NPAS3: variants seen among roughly 807,000 people sequenced by gnomAD.
NPAS3 encodes the protein neuronal PAS domain-containing protein 3.
In NPAS3, 14 loss-of-function variants were observed where a neutral mutation model predicts 73.1. That is an observed-to-expected ratio of 0.19 (90% CI 0.13 to 0.30). NPAS3 has a LOEUF of 0.30. NPAS3 is among the 10% of genes least tolerant of loss of function. The pLI is 1.00. For missense variants in NPAS3, 1,096 were observed against 1,250.0 expected (o/e 0.88, Z 1.86); for synonymous variants, 620 against 541.5 (o/e 1.14, Z -2.01).
intron 5 of NPAS3, among the ~76,000 whole-genome samples, chr14:33,584,269 G>A (rs1055812299): frequency 6.6e-5 from 10 of 151,902 alleles, no homozygotes; most frequent in Admixed American, 1.3e-4. Flanking sequence ...ATTGATTGCC[G>A]GTATAATCCT....
At chr14:32,966,659 A>G (rs2037175599) in intron 1 of NPAS3, among the ~76,000 whole-genome samples, 1 of 134,396 alleles carries the variant, frequency 7.4e-6, no homozygotes, top group Non-Finnish European at 1.6e-5. Flanking sequence ...AGTCCCAGCT[A>G]CTGGGGAGGC....
chr14:33,612,492 T>A (rs1003330343), intron 5 of NPAS3: 13 of 455,994 alleles, frequency 2.9e-5, no homozygotes, highest in Admixed American at 4.7e-5. Flanking sequence ...TGTCACTTTT[T>A]AAAATTAATC....
At chr14:33,165,736 T>C (rs959110458) in intron 2 of NPAS3, among the ~76,000 whole-genome samples, 2 of 152,088 alleles carry the variant, frequency 1.3e-5, no homozygotes, top group African/African-American at 4.8e-5. Flanking sequence ...TGAAGGTACA[T>C]TTTGAAAGAA....
At chr14:33,724,584 G>C (rs537722831) in intron 6 of NPAS3, among the ~76,000 whole-genome samples, 159 of 152,246 alleles carry the variant, frequency 1.0e-3, no homozygotes, top group African/African-American at 3.7e-3. Context: ...AGCTAGCTGT[G>C]ATTGTACCAC....
intron 2 of NPAS3, among the ~76,000 whole-genome samples, chr14:33,147,126 T>C (rs574906577): frequency 6.6e-6 from 1 of 152,180 alleles, no homozygotes; most frequent in Non-Finnish European, 1.5e-5. Context: ...AACCTTACAA[T>C]AATTGAATGA....
At chr14:33,511,949 G>T (rs1308301255) in intron 4 of NPAS3, among the ~76,000 whole-genome samples, 1 of 151,946 alleles carries the variant, frequency 6.6e-6, no homozygotes, top group Non-Finnish European at 1.5e-5. Context: ...ATTCCTTTAG[G>T]TCTAGGATGT....
upstream of NPAS3, among the ~76,000 whole-genome samples, chr14:32,936,818 C>T (rs1386754488): frequency 2.0e-5 from 3 of 152,140 alleles, no homozygotes; most frequent in African/African-American, 7.2e-5. Context: ...GGGCAGTCCC[C>T]TACAGTCTGC....
chr14:33,149,102 A>G (rs2044353500), intron 2 of NPAS3, among the ~76,000 whole-genome samples: 1 of 152,204 alleles, frequency 6.6e-6, no homozygotes, highest in Non-Finnish European at 1.5e-5. Flanking sequence ...TAAATATACC[A>G]ATGATTGATG....
chr14:33,201,040 C>T (rs2046593304), intron 2 of NPAS3, among the ~76,000 whole-genome samples: 2 of 152,128 alleles, frequency 1.3e-5, no homozygotes, highest in African/African-American at 2.4e-5. Context: ...ACTCTTCTTA[C>T]ATATATGAAT....
chr14:33,132,167 A>G (rs752102589), intron 2 of NPAS3, among the ~76,000 whole-genome samples: 9 of 152,144 alleles, frequency 5.9e-5, no homozygotes, highest in Admixed American at 2.0e-4. Flanking sequence ...GGTAACTTGC[A>G]TGAAGACCTT....
intron 4 of NPAS3, among the ~76,000 whole-genome samples, chr14:33,450,083 A>G (rs2049720327): frequency 6.6e-6 from 1 of 152,228 alleles, no homozygotes; most frequent in Admixed American, 6.5e-5. Flanking sequence ...TGGCTCACCC[A>G]TTAAAAGTAT....
chr14:33,770,263 C>T (rs2138434588), intron 7 of NPAS3, among the ~76,000 whole-genome samples: 1 of 152,316 alleles, frequency 6.6e-6, no homozygotes, highest in East Asian at 1.9e-4. Flanking sequence ...GTTAGTATCA[C>T]CTCTGAAGCT....
intron 1 of NPAS3, among the ~76,000 whole-genome samples, chr14:32,971,935 T>C (rs2037443268): frequency 7.1e-6 from 1 of 141,398 alleles, no homozygotes; most frequent in African/African-American, 2.6e-5. Context: ...TCAGTGGGAC[T>C]CTTTTTTTTT....
At chr14:33,683,367 G>T (rs1595432958) in intron 6 of NPAS3, among the ~76,000 whole-genome samples, 1 of 126,028 alleles carries the variant, frequency 7.9e-6, no homozygotes, top group African/African-American at 3.1e-5. Context: ...GATGTATTTT[G>T]CAAGTTTCTA....
intron 5 of NPAS3, among the ~76,000 whole-genome samples, chr14:33,631,834 G>T (rs996018753): frequency 2.0e-5 from 3 of 152,150 alleles, no homozygotes; most frequent in Non-Finnish European, 4.4e-5. Context: ...GATGGTCGTG[G>T]CAACAAGCTA....
chr14:33,638,728 T>G (rs1163088420), intron 5 of NPAS3, among the ~76,000 whole-genome samples: 1 of 152,198 alleles, frequency 6.6e-6, no homozygotes, highest in African/African-American at 2.4e-5. Context: ...AATGAGGAAG[T>G]TGAAGCCACG....
intron 2 of NPAS3, among the ~76,000 whole-genome samples, chr14:33,069,895 G>A (rs991054124): frequency 3.3e-5 from 5 of 152,286 alleles, no homozygotes; most frequent in Non-Finnish European, 5.9e-5. Context: ...TTGTTCTCTA[G>A]TTGATAGTTT....
chr14:33,541,099 G>GTA (rs779087858), intron 4 of NPAS3, among the ~76,000 whole-genome samples: 1 of 148,612 alleles, frequency 6.7e-6, no homozygotes, highest in East Asian at 2.0e-4. Context: ...GTTTAGAGGT[G>GTA]TGTGTGTGTG....
At chr14:33,615,831 T>C (rs1289065345) in intron 5 of NPAS3, among the ~76,000 whole-genome samples, 3 of 152,306 alleles carry the variant, frequency 2.0e-5, no homozygotes, top group Middle Eastern at 3.4e-3. Flanking sequence ...CATATCAACC[T>C]AGTTTGATTT....
Sources: gnomAD v4.1 joint callset for allele counts (sites outside exome capture counted in the v4.1 genomes callset) on GRCh38, gnomAD v4.1.1 for gene constraint, MANE v1.5 for transcripts, NCBI Gene and HGNC (gene_info 2026-07-23, HGNC 2026-07-21) for gene names.